Variants in PRDX3 observed in about 807,000 individuals in gnomAD.
PRDX3 encodes the protein peroxiredoxin 3, also known as thioredoxin-dependent peroxide reductase, mitochondrial.
Under a neutral mutation model 30.4 loss-of-function variants are expected in PRDX3, and 20 were observed. The ratio of observed to expected loss-of-function variants is 0.66; its 90% confidence interval spans 0.46 to 0.96. The LOEUF (loss-of-function observed/expected upper bound fraction) is 0.96, where lower values mean the gene tolerates loss of function less well. Among genes scored for constraint, PRDX3 ranks in the 40% least tolerant of loss-of-function variants. The probability of loss-of-function intolerance (pLI) is 0.00; values close to 1 mark genes in which losing one functional copy is unlikely to be tolerated. For missense variants in PRDX3, 322 were observed against 318.3 expected, an observed-to-expected ratio of 1.01 and a Z score of -0.09; for synonymous variants, 124 against 117.8, an observed-to-expected ratio of 1.05 and a Z score of -0.34.
intron 4 of PRDX3, 54 bp from the exon 5 acceptor site, chr10:119,172,539 AC>A: frequency 7.2e-7 from 1 of 1,396,306 alleles, no homozygotes; most frequent in South Asian, 1.2e-5. Flanking sequence ...AACATTCTTG[AC>A]CACGTACCAC....
At chr10:119,174,167 T>C (rs1402188353) in intron 3 of PRDX3, among the ~76,000 whole-genome samples, 1 of 152,194 alleles carries the variant, frequency 6.6e-6, no homozygotes, top group African/African-American at 2.4e-5. Context: ...CTTTTCTCAT[T>C]TTTCCCCAGA....
At chr10:119,178,649 G>T in intron 1 of PRDX3, 106 bp downstream of exon 1, 1 of 1,376,618 alleles carries the variant, frequency 7.3e-7, no homozygotes, top group Non-Finnish European at 1.0e-6. Flanking sequence ...AACCCTCCAA[G>T]AAGGGCGAAT....
rs1848057679 is a variant in PRDX3, at chr10:119,177,279, T to A, written c.37-126A>T. ...GAACCAAATAGCAAACCCCAAACTCTAAGAGCATGGATTGGATCTGCATGT... is the reference window on the plus strand; with the variant it reads ...GAACCAAATAGCAAACCCCAAACTCAAAGAGCATGGATTGGATCTGCATGT... On this transcript the variant is annotated intron_variant, in intron 1 of 6. Coordinates refer to ENST00000298510, the MANE Select transcript of PRDX3 (RefSeq NM_006793.5). 21 of 884,850 alleles carry A rather than the reference T, an allele frequency of 2.4e-5. No individual in the cohort carries two copies. In the South Asian group the frequency reaches 3.2e-4, roughly 14 times the overall value. The allele number at this position is 884,850 out of a possible 1,614,324, so 54.8% of individuals were successfully genotyped here. A position where few individuals can be genotyped will look rare whatever the true frequency, so the allele number is the denominator to read the frequency against.
At chr10:119,174,927 T>A (rs1019406059) in intron 2 of PRDX3, among the ~76,000 whole-genome samples, 2 of 77,876 alleles carry the variant, frequency 2.6e-5, no homozygotes, top group Admixed American at 3.3e-4. Context: ...TAAGCTGTAT[T>A]GTTTAGGGAA....
chr10:119,178,602 T>C (rs1183926830), intron 1 of PRDX3, among the ~76,000 whole-genome samples, 153 bp downstream of exon 1: 2 of 152,250 alleles, frequency 1.3e-5, no homozygotes, highest in Non-Finnish European at 2.9e-5. Flanking sequence ...GCATGGAACC[T>C]TCCCGGAGGG....
chr10:119,171,161 C>G (rs575602382), intron 5 of PRDX3, among the ~76,000 whole-genome samples: 146 of 152,140 alleles, frequency 9.6e-4, no homozygotes, highest in African/African-American at 3.4e-3. Flanking sequence ...CTGCCTCAGC[C>G]TCCCGAGTAG....
chr10:119,177,177 G>A, intron 1 of PRDX3, 24 bp from the exon 2 acceptor site: 3 of 1,610,988 alleles, frequency 1.9e-6, no homozygotes, highest in Non-Finnish European at 2.5e-6. Context: ...CTTTTTATTA[G>A]AAAGTTTTCC....
At position 119,173,695 on chromosome 10, in the gene PRDX3, A is replaced by G. The variant is rs2133658938; in HGVS notation, c.447+42T>C. The G allele has an allele frequency of 3.1e-6, 5 of 1,593,850 alleles. No individual in the cohort carries two copies. In the South Asian group the frequency reaches 3.4e-5, roughly 11 times the overall value. On this transcript the variant is annotated intron_variant, in intron 4 of 6. Transcript: ENST00000298510. ...ATAGCTAGAAATTTAGATTCTTCCAAGCAAGTTTATAAGAGCAAAAGCTAG... is the reference window on the plus strand; with the variant it reads ...ATAGCTAGAAATTTAGATTCTTCCAGGCAAGTTTATAAGAGCAAAAGCTAG...
At position 119,169,302 on chromosome 10, in the gene PRDX3, A is replaced by G; in HGVS notation, c.592T>C (p.Leu198=). ...IIDPNGVIKH[L]SVNDLPVGRS... ...CCCACTGGGAGATCGTTGACGCTCA[A>G]ATGCTTGATGACTCCATTGGGGTCA... is the stretch of plus-strand genomic sequence containing the variant. The change falls in exon 6 of 7, where the codon TTG becomes CTG. Residue 198 remains leucine, a synonymous_variant. Transcript: ENST00000298510. 1.2e-6 allele frequency: 2 copies of G among 1,614,076 alleles called. No individual in the cohort carries two copies. The highest frequency in any genetic ancestry group is 1.7e-6 in the Non-Finnish European group (2 of 1,180,010).
rs571975170 is a variant in PRDX3 at position 119,174,690 on chromosome 10, T to C, written c.170-98A>G. ...CTCATAATTAATTAGTAGTATAAAG[T>C]GCTTAGTATAAATCAAAACATTCGG... is the stretch of plus-strand genomic sequence containing the variant. On this transcript the variant is annotated intron_variant, in intron 2 of 6. Transcript: ENST00000298510. 1.9e-5 allele frequency: 23 copies of C among 1,215,802 alleles called. No homozygotes were observed. In the African/African-American group the frequency reaches 3.1e-4, roughly 16 times the overall value. The allele number at this position is 1,215,802 out of a possible 1,614,324, so 75.3% of individuals were successfully genotyped here. A position where few individuals can be genotyped will look rare whatever the true frequency, so the allele number is the denominator to read the frequency against.
At chr10:119,173,359 C>T (rs1229074390) in intron 4 of PRDX3, among the ~76,000 whole-genome samples, 1 of 152,088 alleles carries the variant, frequency 6.6e-6, no homozygotes, top group East Asian at 1.9e-4. Flanking sequence ...CCTGTAATTC[C>T]GGCACTTTGG....
chr10:119,174,553 G>T lies in PRDX3; in HGVS notation c.209C>A (p.Pro70His). The change falls in exon 3 of 7, where the codon CCC (proline) becomes CAC (histidine). Residue 70 changes from proline (P) to histidine (H), a missense_variant. Physicochemically the swap from Pro to His is moderately conservative, Grantham distance 77 (BLOSUM62 -2). Transcript: ENST00000298510. ...CHAPAVTQHA[P>H]YFKGTAVVNG... ...GACAACGGCTGTACCCTTAAAATAGGGTGCATGCTGGGTGACAGCAGGTGC... is the reference window on the plus strand; with the variant it reads ...GACAACGGCTGTACCCTTAAAATAGTGTGCATGCTGGGTGACAGCAGGTGC... 5.6e-6 allele frequency: 9 copies of T among 1,608,412 alleles called. No individual in the cohort carries two copies. Among genetic ancestry groups the T allele is most frequent in the Non-Finnish European group, 6.8e-6 (8 of 1,178,538 alleles).
rs1847961140 is a variant in PRDX3 at position 119,173,617 on chromosome 10, A to G, written c.447+120T>C. 1.3e-5 allele frequency: 17 copies of G among 1,267,242 alleles called. 1 individual carries two copies. 78.5% of individuals were successfully genotyped at this position (1,267,242 alleles called of 1,614,324 possible). On this transcript the variant is annotated intron_variant, in intron 4 of 6. Coordinates refer to ENST00000298510, the MANE Select transcript of PRDX3 (RefSeq NM_006793.5). ...AGAGTGAAGCTCCGTCTCAAAAAAA[A>G]AAAAAAAAAAAAACCCAACCCTTGC...
At chr10:119,173,407 C>T (rs979071784) in intron 4 of PRDX3, among the ~76,000 whole-genome samples, 28 of 152,118 alleles carry the variant, frequency 1.8e-4, no homozygotes, top group East Asian at 1.9e-4. Context: ...GTCAGGAGTT[C>T]GAGACCAGCG....
Position 119,168,504 on chromosome 10 carries a change from C to T in PRDX3, c.747G>A (p.Glu249=), listed in dbSNP as rs1416730594. 1 of 1,613,898 alleles carries T rather than the reference C, an allele frequency of 6.2e-7. No individual in the cohort carries two copies. The highest frequency in any genetic ancestry group is 2.2e-5 in the East Asian group (1 of 44,862). Residue 249 remains glutamate, a synonymous_variant, in exon 7 of 7, where the codon GAG becomes GAA. Coordinates refer to ENST00000298510, the MANE Select transcript of PRDX3 (RefSeq NM_006793.5). ...TIKPSPAASK[E]YFQKVNQ ...TCTACTGATTTACCTTCTGAAAGTA[C>T]TCTTTGGAAGCAGCTGGACTTGGCT...
At chr10:119,178,725 C>A (rs1318902107) in intron 1 of PRDX3, 30 bp downstream of exon 1, 29 of 1,550,714 alleles carry the variant, frequency 1.9e-5, no homozygotes, top group Non-Finnish European at 2.5e-5. Flanking sequence ...CCAGTGTCTC[C>A]ACGCCTGTCC....
Position 119,174,611 on chromosome 10 carries a change from T to G in PRDX3, c.170-19A>C. 4 of 1,557,952 alleles carry G rather than the reference T, an allele frequency of 2.6e-6. No individual in the cohort carries two copies. The highest frequency in any genetic ancestry group is 3.5e-6 in the Non-Finnish European group (4 of 1,158,054). On this transcript the variant is annotated intron_variant, in intron 2 of 6. Transcript: ENST00000298510. Reference sequence around the variant, plus strand: ...GAGGAACCTGAAAAAAAACCCACACTCATATGGAGTTCATCATTTGCTATG... The same window carrying G: ...GAGGAACCTGAAAAAAAACCCACACGCATATGGAGTTCATCATTTGCTATG...
Position 119,169,234 on chromosome 10 carries a change from C to T in PRDX3, c.660G>A (p.Gln220=), listed in dbSNP as rs1847845212. Residue 220 remains glutamine, a synonymous_variant, in exon 6 of 7, where the codon CAG becomes CAA. Coordinates refer to ENST00000298510, the MANE Select transcript of PRDX3 (RefSeq NM_006793.5). ...AGACTTCTCCATGTGTTTCTACATACTGGAACGCCTTCACCAAGCGGAGGG... is the reference window on the plus strand; with the variant it reads ...AGACTTCTCCATGTGTTTCTACATATTGGAACGCCTTCACCAAGCGGAGGG... ...EETLRLVKAF[Q]YVETHGEVCP... 1 of 1,613,356 alleles carries T rather than the reference C, an allele frequency of 6.2e-7. No individual in the cohort carries two copies. The highest frequency in any genetic ancestry group is 8.5e-7 in the Non-Finnish European group (1 of 1,180,026).
chr10:119,178,156 C>CTTT (rs1848085139), intron 1 of PRDX3, among the ~76,000 whole-genome samples: 2 of 152,126 alleles, frequency 1.3e-5, no homozygotes, highest in African/African-American at 4.8e-5. Context: ...AGCCACCGCA[C>CTTT]TCTGCCGGTT....
Sources: gnomAD v4.1 joint callset for allele counts (sites outside exome capture counted in the v4.1 genomes callset) on GRCh38, gnomAD v4.1.1 for gene constraint, MANE v1.5 for transcripts, NCBI Gene and HGNC (gene_info 2026-07-23, HGNC 2026-07-21) for gene names.